The following DUOXA1 variants were observed in gnomAD, a reference collection of about 807,000 sequenced individuals.
DUOXA1 encodes dual oxidase maturation factor 1.
In DUOXA1, 19 loss-of-function variants were observed where a neutral mutation model predicts 26.6. The observed-to-expected ratio is 0.71, with a 90% CI of 0.50 to 1.05. DUOXA1 has a LOEUF of 1.05. Ranked by LOEUF, DUOXA1 falls within the 50% of genes least tolerant of loss-of-function variation. The probability of loss-of-function intolerance (pLI) is 0.00; values close to 1 mark genes in which losing one functional copy is unlikely to be tolerated. For synonymous variants in DUOXA1, 166 were observed against 177.0 expected, an observed-to-expected ratio of 0.94 and a Z score of 0.49; for missense variants, 403 against 427.5, an observed-to-expected ratio of 0.94 and a Z score of 0.51.
intron 5 of DUOXA1, 38 bp downstream of exon 5, chr15:45,122,147 G>A (rs1329995501): frequency 6.4e-7 from 1 of 1,571,098 alleles, no homozygotes; most frequent in Non-Finnish European, 8.6e-7. Flanking sequence ...TTGAAGGGAT[G>A]GAGGCAGCAG....
chr15:45,120,770 A>G lies in DUOXA1; in HGVS notation c.376T>C (p.Tyr126His). The change falls in exon 7 of 9, where the codon TAC (tyrosine) becomes CAC (histidine). Residue 126 changes from tyrosine to histidine, a missense_variant. Physicochemically the swap from Tyr to His is moderately conservative, Grantham distance 83. Transcript: ENST00000560572. ...PVQQLNETIN[Y>H]NEEFTWRLGE... ...AGGCGCCAGGTGAACTCCTCGTTGT[A>G]ATTGATGGTCTCATTCAGCTGCTGC... 1 of 1,614,042 alleles carries G rather than the reference A, an allele frequency of 6.2e-7. No individual in the cohort carries two copies. Among genetic ancestry groups the G allele is most frequent in the Non-Finnish European group, 8.5e-7 (1 of 1,179,992 alleles).
At chr15:45,126,864 A>G (rs1895719081) in intron 3 of DUOXA1, among the ~76,000 whole-genome samples, 1 of 152,262 alleles carries the variant, frequency 6.6e-6, no homozygotes, top group Admixed American at 6.5e-5. Context: ...GTCAACTTTT[A>G]GTAATTTCTC....
chr15:45,119,481 C>T, intron 8 of DUOXA1, 116 bp from the exon 9 acceptor site: 1 of 1,439,914 alleles, frequency 6.9e-7, no homozygotes, highest in Non-Finnish European at 9.2e-7. Context: ...TGCTTCAGGG[C>T]AACTTGGGCT....
At chr15:45,125,091 A>G (rs1268861059) in intron 3 of DUOXA1, among the ~76,000 whole-genome samples, 2 of 152,286 alleles carry the variant, frequency 1.3e-5, no homozygotes, top group African/African-American at 4.8e-5. Context: ...AGAGACAGAA[A>G]GACAGACAGT....
intron 3 of DUOXA1, among the ~76,000 whole-genome samples, chr15:45,127,131 A>G (rs1175908640): frequency 6.6e-6 from 1 of 152,242 alleles, no homozygotes; most frequent in Non-Finnish European, 1.5e-5. Context: ...ATAAAAGTTC[A>G]TAGGAGGAAG....
At chr15:45,127,040 G>A (rs1323944658) in intron 3 of DUOXA1, among the ~76,000 whole-genome samples, 2 of 152,046 alleles carry the variant, frequency 1.3e-5, no homozygotes, top group Admixed American at 6.5e-5. Context: ...ATGTGATAGT[G>A]GTATTTATTT....
chr15:45,121,821 G>A (rs1024363583), intron 5 of DUOXA1, among the ~76,000 whole-genome samples: 10 of 152,216 alleles, frequency 6.6e-5, no homozygotes, highest in South Asian at 2.1e-4. Context: ...CCGGCCTCAC[G>A]GAGACTTTCA....
Position 45,118,736 on chromosome 15 carries a change from G to A in DUOXA1, c.*370C>T. Reference sequence around the variant, plus strand: ...TGCCGAGGGATGAGAGGAAACCATAGGAGAATCATATGTAACCCCCACCCT... The same window carrying A: ...TGCCGAGGGATGAGAGGAAACCATAAGAGAATCATATGTAACCCCCACCCT... On this transcript the variant is annotated 3_prime_UTR_variant, in exon 9 of 9. Coordinates refer to ENST00000560572, the MANE Select transcript of DUOXA1 (RefSeq NM_001276266.2). 1 of 1,012,380 alleles carries A rather than the reference G, an allele frequency of 9.9e-7. No individual in the cohort carries two copies. Among genetic ancestry groups the A allele is most frequent in the Non-Finnish European group, 1.2e-6 (1 of 848,396 alleles). 62.7% of individuals were successfully genotyped at this position (1,012,380 alleles called of 1,614,324 possible). A position where few individuals can be genotyped will look rare whatever the true frequency, so the allele number is the denominator to read the frequency against.
In DUOXA1 at chr15:45,117,703, C is replaced by T; in HGVS notation, c.*1403G>A. ...CCACATGCCCTCCTTTCTTTCGATC[C>T]CCACCGCCACAGGCGTCCTGTGCCT... On this transcript the variant is annotated 3_prime_UTR_variant, in exon 9 of 9. Coordinates refer to ENST00000560572, the MANE Select transcript of DUOXA1 (RefSeq NM_001276266.2). 2 of 1,613,568 alleles carry T rather than the reference C, an allele frequency of 1.2e-6. No homozygotes were observed. Among genetic ancestry groups the T allele is most frequent in the Non-Finnish European group, 1.7e-6 (2 of 1,179,694 alleles).
At chr15:45,120,426 A>G (rs1287818960) in intron 7 of DUOXA1, 106 bp from the exon 8 acceptor site, 2 of 1,482,622 alleles carry the variant, frequency 1.3e-6, no homozygotes, top group African/African-American at 2.8e-5. Flanking sequence ...ACCCAAAGAT[A>G]TGAGGTAGGG....
chr15:45,118,545 A>C lies in DUOXA1; in HGVS notation c.*561T>G. ...GCAATCTTATGTAGCAAATTTGGGA[A>C]CTGAAGCTCAAAGAGAATGTGGCAT... On this transcript the variant is annotated 3_prime_UTR_variant, in exon 9 of 9. Coordinates refer to ENST00000560572, the MANE Select transcript of DUOXA1 (RefSeq NM_001276266.2). The C allele has an allele frequency of 2.0e-6, 2 of 992,352 alleles. No homozygotes were observed. The highest frequency in any genetic ancestry group is 9.3e-5 in the South Asian group (2 of 21,516). 61.5% of individuals were successfully genotyped at this position (992,352 alleles called of 1,614,324 possible).
In DUOXA1 at chr15:45,129,844, C is replaced by G. The variant is rs1896028980; in HGVS notation, c.-303+8G>C. 6.6e-6 allele frequency: 1 copy of G among 152,274 alleles called. No homozygotes were observed. The highest frequency in any genetic ancestry group is 2.4e-5 in the African/African-American group (1 of 41,436). 9.4% of individuals were successfully genotyped at this position (152,274 alleles called of 1,614,324 possible). Reference sequence around the variant, plus strand: ...CTACCTGCGCCCCGGGAGCCCTCGCCGTCTCACCTCGCGCGCTGCCGTCCG... The same window carrying G: ...CTACCTGCGCCCCGGGAGCCCTCGCGGTCTCACCTCGCGCGCTGCCGTCCG... On this transcript the variant is annotated splice_region_variant and intron_variant, in intron 1 of 8. Transcript: ENST00000560572. This position sits in a 1 kb window ranked among gnomAD's most constrained non-coding sequence, Gnocchi z 4.1.
chr15:45,121,006 A>G, intron 6 of DUOXA1, 81 bp downstream of exon 6: 3 of 1,594,042 alleles, frequency 1.9e-6, no homozygotes, highest in South Asian at 2.3e-5. Context: ...CAGGCATCCT[A>G]TAGCTCTTTG....
rs542531103 is a variant in DUOXA1 at position 45,126,129 on chromosome 15, C to T, written c.-30+2889G>A. 7.2e-5 allele frequency among the ~76,000 whole-genome samples: 11 copies of T among 152,346 alleles called. No individual in the cohort carries two copies. The South Asian group carries it at 2.3e-3, about 32-fold the overall frequency. ...AACTATCCATGCATTTCCTTCTGTA[C>T]TGCCTCTGCCCTAACCCAAGCTCAT... is the stretch of plus-strand genomic sequence containing the variant. On this transcript the variant is annotated intron_variant, in intron 3 of 8. Transcript: ENST00000560572.
At position 45,121,159 on chromosome 15, in the gene DUOXA1, AGG is replaced by A; in HGVS notation, c.266_267del (p.Ala89ValfsTer4). ...TCAGCGCTGATCCACTCAGAACTGA[AGG>A]CCTTGTATGATGTGTTGGTGCTGAC... is the stretch of plus-strand genomic sequence containing the variant. The part of the protein sequence containing the change: ...GQVSTNTSYK[A>X]FSSEWISADI... On this transcript the variant is annotated frameshift_variant, in exon 6 of 9. Coordinates refer to ENST00000560572, the MANE Select transcript of DUOXA1 (RefSeq NM_001276266.2). LOFTEE classifies it high-confidence loss of function. 6.2e-7 allele frequency: 1 copy of A among 1,614,170 alleles called. No individual in the cohort carries two copies. The highest frequency in any genetic ancestry group is 8.5e-7 in the Non-Finnish European group (1 of 1,180,016).
Position 45,119,179 on chromosome 15 carries a change from G to T in DUOXA1, c.959C>A (p.Pro320His). ...CTTGGTGGAGGAAGCCTCTGACAGG[G>T]GAATGTCCTGGGACTTGGGACTGTC... ...MADSPKSQDI[P>H]LSEASSTKAY... The change falls in exon 9 of 9, where the codon CCC (proline) becomes CAC (histidine). Residue 320 changes from proline to histidine, a missense_variant. Coordinates refer to ENST00000560572, the MANE Select transcript of DUOXA1 (RefSeq NM_001276266.2). 6.2e-7 allele frequency: 1 copy of T among 1,612,726 alleles called. No homozygotes were observed. The highest frequency in any genetic ancestry group is 8.5e-7 in the Non-Finnish European group (1 of 1,178,832).
rs1184042255 is a variant in DUOXA1 at position 45,119,197 on chromosome 15, G to A, written c.941C>T (p.Pro314Leu). Residue 314 changes from proline to leucine, a missense_variant, in exon 9 of 9, where the codon CCC (proline) becomes CTC (leucine). Pro to Leu is a moderately conservative substitution (Grantham distance 98). Transcript: ENST00000560572. Reference protein sequence around the residue: ...SPRYRSMADSPKSQDIPLSEA... With the variant: ...SPRYRSMADSLKSQDIPLSEA... ...TGACAGGGGAATGTCCTGGGACTTGGGACTGTCAGCCATGGACCGGTAGCG... is the reference window on the plus strand; with the variant it reads ...TGACAGGGGAATGTCCTGGGACTTGAGACTGTCAGCCATGGACCGGTAGCG... The A allele has an allele frequency of 6.2e-7, 1 of 1,614,022 alleles. No homozygotes were observed. Among genetic ancestry groups the A allele is most frequent in the South Asian group, 1.1e-5 (1 of 91,086 alleles).
chr15:45,125,650 C>T (rs549995785), intron 3 of DUOXA1, among the ~76,000 whole-genome samples: 11 of 152,274 alleles, frequency 7.2e-5, no homozygotes, highest in Non-Finnish European at 7.3e-5. Context: ...CACTGCAGAC[C>T]ATGCCCCCTT....
intron 4 of DUOXA1, 101 bp from the exon 5 acceptor site, chr15:45,122,343 G>A: frequency 1.7e-6 from 2 of 1,147,920 alleles, no homozygotes; most frequent in Non-Finnish European, 2.6e-6. Context: ...CTAAAGCTGA[G>A]ATCACTTGGT....
Sources: allele counts gnomAD v4.1 joint callset (sites outside exome capture counted in the v4.1 genomes callset), GRCh38; gene constraint gnomAD v4.1.1; non-coding constraint Gnocchi (gnomAD v3.1); transcripts MANE v1.5; gene names NCBI Gene and HGNC (gene_info 2026-07-23, HGNC 2026-07-21).